ATP5PF: variants seen among roughly 807,000 people sequenced by gnomAD.
ATP5PF encodes the protein ATP synthase peripheral stalk subunit F6, mitochondrial.
ATP5PF carries 7 observed loss-of-function variants against 12.0 expected under a neutral mutation model. That is an observed-to-expected ratio of 0.58 (90% CI 0.33 to 1.10). The LOEUF is 1.10. Ranked by LOEUF, ATP5PF falls within the 50% of genes least tolerant of loss-of-function variation. The pLI, the probability that ATP5PF is intolerant of heterozygous loss-of-function variation, is 0.03. For missense variants in ATP5PF, 120 were observed against 127.7 expected (o/e 0.94, Z 0.29); for synonymous variants, 41 against 45.4 (o/e 0.90, Z 0.39).
intron 2 of ATP5PF, among the ~76,000 whole-genome samples, chr21:25,728,583 G>T (rs971845980): frequency 1.2e-4 from 18 of 152,184 alleles, no homozygotes; most frequent in African/African-American, 4.1e-4. Context: ...TCTACTGAAG[G>T]CCTCCTGTGG....
intron 2 of ATP5PF, among the ~76,000 whole-genome samples, chr21:25,726,032 G>A (rs2034610307): frequency 6.6e-6 from 1 of 152,172 alleles, no homozygotes; most frequent in Non-Finnish European, 1.5e-5. Context: ...GCGTAAACCT[G>A]AGTAAGGCAC....
chr21:25,729,934 A>G, intron 1 of ATP5PF, 133 bp from the exon 2 acceptor site: 1 of 1,028,596 alleles, frequency 9.7e-7, no homozygotes, highest in Admixed American at 3.0e-5. Context: ...ACCTGACCAC[A>G]GTTCCCTTCT....
chr21:25,734,051 A>G (rs377078161), intron 1 of ATP5PF, among the ~76,000 whole-genome samples: 5 of 152,352 alleles, frequency 3.3e-5, no homozygotes, highest in African/African-American at 7.2e-5. Context: ...ACATAATCCC[A>G]TATCAAAACT....
At position 25,734,897 on chromosome 21, in the gene ATP5PF, T is replaced by C; in HGVS notation, c.-52A>G. On this transcript the variant is annotated 5_prime_UTR_variant, in exon 1 of 4. Transcript: ENST00000284971. ...TGCCAAAGCCTCCGCCGCCACCACCTCCGCTCTACTTCCGGCCCTGGCTCC... is the reference window on the plus strand; with the variant it reads ...TGCCAAAGCCTCCGCCGCCACCACCCCCGCTCTACTTCCGGCCCTGGCTCC... 6.4e-7 allele frequency: 1 copy of C among 1,559,118 alleles called. No homozygotes were observed. Among genetic ancestry groups the C allele is most frequent in the South Asian group, 1.2e-5 (1 of 84,958 alleles).
chr21:25,734,814 C>G, intron 1 of ATP5PF, 39 bp downstream of exon 1: 1 of 1,520,952 alleles, frequency 6.6e-7, no homozygotes, highest in African/African-American at 1.4e-5. Context: ...GAACTGGAGT[C>G]CCAAAAGGCC....
chr21:25,735,616 C>T (rs536528775), upstream of ATP5PF: 1 of 152,628 alleles, frequency 6.6e-6, no homozygotes, highest in Non-Finnish European at 1.5e-5. Context: ...AGCGCGGGCC[C>T]TCGCGGGCCG....
At position 25,725,275 on chromosome 21, in the gene ATP5PF, T is replaced by G; in HGVS notation, c.240A>C (p.Gln80His). The G allele has an allele frequency of 6.2e-7, 1 of 1,613,460 alleles. No individual in the cohort carries two copies. The highest frequency in any genetic ancestry group is 8.5e-7 in the Non-Finnish European group (1 of 1,179,974). Residue 80 changes from glutamine (Q) to histidine (H), a missense_variant, in exon 3 of 4, where the codon CAA (glutamine) becomes CAC (histidine). Coordinates refer to ENST00000284971, the MANE Select transcript of ATP5PF (RefSeq NM_001003703.2). ...TATTCATGTCTGCATTACCAAACAT[T>G]TGCTTGAGCTTAAAAAGCTCCCTCT... is the stretch of plus-strand genomic sequence containing the variant. ...ELERELFKLKQMFGNADMNTF... is the reference protein window; with the variant it reads ...ELERELFKLKHMFGNADMNTF...
chr21:25,729,234 G>C (rs79566522), intron 2 of ATP5PF, among the ~76,000 whole-genome samples: 108 of 152,240 alleles, frequency 7.1e-4, no homozygotes, highest in African/African-American at 2.6e-3. Flanking sequence ...AATATACTTT[G>C]ATAATATATT....
At chr21:25,731,260 T>G (rs116155132) in intron 1 of ATP5PF, among the ~76,000 whole-genome samples, 213 of 152,030 alleles carry the variant, frequency 1.4e-3, no homozygotes, top group African/African-American at 4.3e-3. Flanking sequence ...AAAAAGGAAA[T>G]GATTAAAAGA....
upstream of ATP5PF, chr21:25,735,458 C>T (rs1382246650): frequency 6.3e-6 from 1 of 158,826 alleles, no homozygotes; most frequent in Non-Finnish European, 1.4e-5. Flanking sequence ...GGACCTCACA[C>T]TTCTAGTCGC....
In ATP5PF at chr21:25,724,990, T is replaced by A. The variant is rs919376953; in HGVS notation, c.289+236A>T. The stretch of plus-strand genomic sequence containing the variant: ...ACACAGCTGAAAGTGATTATAAGGA[T>A]TCAAGATTGGGCAGTTCGATTTCAG... On this transcript the variant is annotated intron_variant, in intron 3 of 3. Coordinates refer to ENST00000284971, the MANE Select transcript of ATP5PF (RefSeq NM_001003703.2). 6.6e-6 allele frequency: 4 copies of A among 608,312 alleles called. No individual in the cohort carries two copies. In the African/African-American group the frequency reaches 7.6e-5, roughly 12 times the overall value. 37.7% of individuals were successfully genotyped at this position (608,312 alleles called of 1,614,324 possible).
chr21:25,733,814 C>T (rs1431349253), intron 1 of ATP5PF, among the ~76,000 whole-genome samples: 2 of 152,208 alleles, frequency 1.3e-5, no homozygotes, highest in South Asian at 2.1e-4. Flanking sequence ...TTAAGCTGCA[C>T]GTATTCTCAC....
chr21:25,734,932 C>A (rs986281629), upstream of ATP5PF: 2 of 1,573,584 alleles, frequency 1.3e-6, no homozygotes, highest in African/African-American at 1.4e-5. Context: ...CGCCCCCACA[C>A]GCCTACCCGC....
rs544865106 is a variant in ATP5PF at position 25,729,931 on chromosome 21, C to G, written c.-7-130G>C. ...TATCAGATCTCAGTCTATACCTGAC[C>G]ACAGTTCCCTTCTCCTCCTTATTCC... On this transcript the variant is annotated intron_variant, in intron 1 of 3. Coordinates refer to ENST00000284971, the MANE Select transcript of ATP5PF (RefSeq NM_001003703.2). 4 of 1,055,706 alleles carry G rather than the reference C, an allele frequency of 3.8e-6. No homozygotes were observed. The Admixed American group carries it at 1.2e-4, about 31-fold the overall frequency. 65.4% of individuals were successfully genotyped at this position (1,055,706 alleles called of 1,614,324 possible). A position where few individuals can be genotyped will look rare whatever the true frequency, so the allele number is the denominator to read the frequency against.
intron 3 of ATP5PF, 93 bp from the exon 4 acceptor site, chr21:25,724,770 A>G: frequency 7.7e-7 from 1 of 1,294,944 alleles, no homozygotes; most frequent in South Asian, 1.3e-5. Context: ...CAATTTTCTG[A>G]TTTTTTTAGT....
chr21:25,730,186 C>T (rs1011892394), intron 1 of ATP5PF, among the ~76,000 whole-genome samples: 4 of 152,202 alleles, frequency 2.6e-5, no homozygotes, highest in Admixed American at 2.0e-4. Flanking sequence ...CAAGGTTTCC[C>T]ATACCTCAGC....
chr21:25,734,869 A>G lies in ATP5PF; in HGVS notation c.-24T>C, dbSNP rs1340898190. The G allele has an allele frequency of 5.2e-6, 8 of 1,544,594 alleles. No individual in the cohort carries two copies. The South Asian group carries it at 5.9e-5, about 11-fold the overall frequency. On this transcript the variant is annotated 5_prime_UTR_variant, in exon 1 of 4. Transcript: ENST00000284971. ...CCCAGTCACCTTGCACTCAGTCCCG[A>G]GCTGCCAAAGCCTCCGCCGCCACCA...
chr21:25,727,813 AT>A (rs1281785480), intron 2 of ATP5PF, among the ~76,000 whole-genome samples: 1 of 152,208 alleles, frequency 6.6e-6, no homozygotes, highest in Non-Finnish European at 1.5e-5. Context: ...TAACAGTATG[AT>A]TTTTGGCAAA....
chr21:25,730,180 G>C lies in ATP5PF; in HGVS notation c.-7-379C>G, dbSNP rs548515734. 3.9e-5 allele frequency among the ~76,000 whole-genome samples: 6 copies of C among 152,266 alleles called. No individual in the cohort carries two copies. In the East Asian group the frequency reaches 1.2e-3, roughly 29 times the overall value. On this transcript the variant is annotated intron_variant, in intron 1 of 3. Coordinates refer to ENST00000284971, the MANE Select transcript of ATP5PF (RefSeq NM_001003703.2). ...ACTGGCCCCCAAACTAATGTACAAG[G>C]TTTCCCATACCTCAGCCGGGCATGA...
Sources: allele counts gnomAD v4.1 joint callset (sites outside exome capture counted in the v4.1 genomes callset), GRCh38; gene constraint gnomAD v4.1.1; transcripts MANE v1.5; gene names NCBI Gene and HGNC (gene_info 2026-07-23, HGNC 2026-07-21).